ALK: variants seen among roughly 807,000 people sequenced by gnomAD.
The protein encoded by ALK is ALK receptor tyrosine kinase.
ALK carries 74 observed loss-of-function variants against 163.1 expected under a neutral mutation model. That is an observed-to-expected ratio of 0.45 (90% CI 0.38 to 0.55). ALK has a LOEUF of 0.55. ALK is among the 20% of genes least tolerant of loss of function. The pLI, the probability that ALK is intolerant of heterozygous loss-of-function variation, is 0.00. For synonymous variants in ALK, 960 were observed against 843.2 expected (o/e 1.14, Z -2.40); for missense variants, 2,063 against 2,105.3 (o/e 0.98, Z 0.39).
chr2:29,473,023 A>C (rs1371512994), intron 4 of ALK, among the ~76,000 whole-genome samples: 1 of 152,258 alleles, frequency 6.6e-6, no homozygotes, highest in Non-Finnish European at 1.5e-5. Flanking sequence ...GATGATTCTA[A>C]AATACACGTA....
Position 29,392,603 on chromosome 2 carries a change from G to C in ALK, c.1155-8744C>G, listed in dbSNP as rs577702398. ...GGGGGCTGATGTCCACCCTGGCCCT[G>C]GCTGAGCATTTTTTCTTCATTCTGT... On this transcript the variant is annotated intron_variant, in intron 4 of 28. Transcript: ENST00000389048. Among the ~76,000 whole-genome samples the C allele has an allele frequency of 2.0e-5, 3 of 152,294 alleles. No homozygotes were observed. In the East Asian group the frequency reaches 5.8e-4, roughly 29 times the overall value.
At chr2:29,557,515 G>A (rs1386441829) in intron 3 of ALK, among the ~76,000 whole-genome samples, 1 of 152,138 alleles carries the variant, frequency 6.6e-6, no homozygotes, top group Admixed American at 6.6e-5. Flanking sequence ...AGGTAGGTCA[G>A]TATCCTTTAT....
chr2:29,237,811 G>T (rs1396942573), intron 13 of ALK, among the ~76,000 whole-genome samples: 1 of 152,170 alleles, frequency 6.6e-6, no homozygotes, highest in Non-Finnish European at 1.5e-5. Context: ...TTTTGTGATT[G>T]TCATTTCTGG....
intron 3 of ALK, among the ~76,000 whole-genome samples, chr2:29,590,933 T>C: frequency 6.6e-6 from 1 of 151,336 alleles, no homozygotes; most frequent in Non-Finnish European, 1.5e-5. Context: ...TAGCCGGGCG[T>C]GTTGGCGGGC....
intron 3 of ALK, among the ~76,000 whole-genome samples, chr2:29,671,632 G>T (rs2148270718): frequency 6.6e-6 from 1 of 152,126 alleles, no homozygotes; most frequent in African/African-American, 2.4e-5. Context: ...TGAACTTGTT[G>T]CCAGGAAAAT....
chr2:29,759,617 C>T (rs903907207), intron 1 of ALK, among the ~76,000 whole-genome samples: 4 of 152,168 alleles, frequency 2.6e-5, no homozygotes, highest in Non-Finnish European at 5.9e-5. Context: ...ACTCTTTGGC[C>T]TTTGAATAGG....
chr2:29,712,875 A>G (rs956382635), intron 2 of ALK, among the ~76,000 whole-genome samples: 1 of 152,066 alleles, frequency 6.6e-6, no homozygotes, highest in Non-Finnish European at 1.5e-5. Context: ...TGGGAAGAAT[A>G]TTTTCTTTTC....
intron 1 of ALK, among the ~76,000 whole-genome samples, chr2:29,912,202 G>C (rs1191342486): frequency 6.6e-6 from 1 of 152,134 alleles, no homozygotes; most frequent in Admixed American, 6.5e-5. Flanking sequence ...AATAATAATT[G>C]AAAAATCCCA....
chr2:29,426,749 G>A (rs1670143863), intron 4 of ALK, among the ~76,000 whole-genome samples: 1 of 152,034 alleles, frequency 6.6e-6, no homozygotes, highest in Non-Finnish European at 1.5e-5. Context: ...GATTTAAAAA[G>A]CAGTTATAGG....
intron 1 of ALK, among the ~76,000 whole-genome samples, chr2:29,902,653 G>C (rs1011392857): frequency 6.6e-6 from 1 of 152,170 alleles, no homozygotes; most frequent in Non-Finnish European, 1.5e-5. Context: ...TAGAGCATGA[G>C]GCTCATTTTA....
chr2:29,537,517 G>A (rs1272018777), intron 3 of ALK, among the ~76,000 whole-genome samples: 1 of 152,240 alleles, frequency 6.6e-6, no homozygotes, highest in Non-Finnish European at 1.5e-5. Context: ...CCATCTAAAT[G>A]CCATAGGAGG....
intron 4 of ALK, among the ~76,000 whole-genome samples, chr2:29,422,079 C>T (rs893734549): frequency 7.9e-5 from 12 of 151,374 alleles, no homozygotes; most frequent in South Asian, 2.1e-4. Flanking sequence ...GCTTTTTCCA[C>T]GAGGGGAGGC....
chr2:29,328,331 G>A lies in ALK; in HGVS notation c.1414+19C>T, dbSNP rs1254462624. ...CATGGGCTGGGCTCAGGCAGGGTGG[G>A]GCAGCCCCATCTACTCACGGCACAT... is the stretch of plus-strand genomic sequence containing the variant. On this transcript the variant is annotated intron_variant, in intron 6 of 28. Transcript: ENST00000389048. 1 of 1,614,050 alleles carries A rather than the reference G, an allele frequency of 6.2e-7. No individual in the cohort carries two copies. Among genetic ancestry groups the A allele is most frequent in the Admixed American group, 1.7e-5 (1 of 60,018 alleles).
intron 3 of ALK, among the ~76,000 whole-genome samples, chr2:29,553,810 T>C (rs778757861): frequency 3.3e-5 from 5 of 152,210 alleles, no homozygotes; most frequent in Non-Finnish European, 5.9e-5. Flanking sequence ...ACTAGTGAGG[T>C]TGAGTCATTT....
chr2:29,262,091 C>G (rs1665102474), intron 11 of ALK, among the ~76,000 whole-genome samples: 1 of 152,172 alleles, frequency 6.6e-6, no homozygotes, highest in Non-Finnish European at 1.5e-5. Flanking sequence ...GTAAGCCTAG[C>G]TCCTTACAAC....
At chr2:29,331,947 G>A (rs1429838271) in intron 5 of ALK, among the ~76,000 whole-genome samples, 1 of 151,844 alleles carries the variant, frequency 6.6e-6, no homozygotes, top group Non-Finnish European at 1.5e-5. Context: ...ATATAGTTAA[G>A]ACCTTATTAC....
At position 29,920,685 on chromosome 2, in the gene ALK, G is replaced by A. The variant is rs2148444271; in HGVS notation, c.-26C>T. ...CCCGCCGGAGGAGGCCGTTTACACT[G>A]CTCTCCGGGCCCAGCCTCACCCTTC... On this transcript the variant is annotated 5_prime_UTR_variant, in exon 1 of 29. Transcript: ENST00000389048. 2.0e-6 allele frequency: 3 copies of A among 1,523,612 alleles called. No homozygotes were observed. The highest frequency in any genetic ancestry group is 1.2e-5 in the South Asian group (1 of 83,658). The allele number at this position is 1,523,612 out of a possible 1,614,324, so 94.4% of individuals were successfully genotyped here.
At chr2:29,737,166 A>C (rs1036374572) in intron 1 of ALK, among the ~76,000 whole-genome samples, 2 of 152,116 alleles carry the variant, frequency 1.3e-5, no homozygotes, top group Admixed American at 6.5e-5. Flanking sequence ...AATATAAACA[A>C]TGTGATCTAA....
intron 3 of ALK, among the ~76,000 whole-genome samples, chr2:29,543,646 CTTT>C (rs1425153906): frequency 6.6e-6 from 1 of 152,212 alleles, no homozygotes; most frequent in East Asian, 1.9e-4. Flanking sequence ...CATTCTTCTT[CTTT>C]ACCTTCATCC....
Sources: gnomAD v4.1 joint callset for allele counts (sites outside exome capture counted in the v4.1 genomes callset) on GRCh38, gnomAD v4.1.1 for gene constraint, MANE v1.5 for transcripts, NCBI Gene and HGNC (gene_info 2026-07-23, HGNC 2026-07-21) for gene names.